The following CALU variants were observed in gnomAD, a reference collection of about 807,000 sequenced individuals.
The protein encoded by CALU is IEF SSP 9302.
A neutral mutation model predicts 37.5 loss-of-function variants in CALU; 13 were observed. The ratio of observed to expected loss-of-function variants is 0.35; its 90% confidence interval spans 0.23 to 0.55. CALU has a LOEUF of 0.55. Ranked by LOEUF, CALU falls within the 20% of genes least tolerant of loss-of-function variation. The probability of loss-of-function intolerance (pLI) is 0.89; values close to 1 mark genes in which losing one functional copy is unlikely to be tolerated. For synonymous variants in CALU, 114 were observed against 133.8 expected (o/e 0.85, Z 1.02); for missense variants, 282 against 391.7 (o/e 0.72, Z 2.36).
In CALU at chr7:128,748,688, T is replaced by A; in HGVS notation, c.105T>A (p.Ser35Arg). 1 of 1,614,148 alleles carries A rather than the reference T, an allele frequency of 6.2e-7. No individual in the cohort carries two copies. The highest frequency in any genetic ancestry group is 8.5e-7 in the Non-Finnish European group (1 of 1,179,994). The stretch of plus-strand genomic sequence containing the variant: ...GTGTACATCATGAGCCTCAGCTCAG[T>A]GACAAGGTTCACAATGATGCTCAGA... ...KDRVHHEPQL[S>R]DKVHNDAQSF... The change falls in exon 2 of 7, where the codon AGT becomes AGA. Residue 35 changes from serine to arginine, a missense_variant. By Grantham distance (110) the Ser-to-Arg change is moderately radical (BLOSUM62 -1). Transcript: ENST00000249364.
intron 1 of CALU, among the ~76,000 whole-genome samples, chr7:128,740,098 T>C (rs1800175581): frequency 6.6e-6 from 1 of 152,234 alleles, no homozygotes; most frequent in Non-Finnish European, 1.5e-5. Context: ...ACGTTTTTTG[T>C]TGCTTCTAGC....
chr7:128,760,164 C>T (rs1432792472), intron 5 of CALU, among the ~76,000 whole-genome samples: 1 of 152,198 alleles, frequency 6.6e-6, no homozygotes, highest in Non-Finnish European at 1.5e-5. Context: ...CGCCATTGCA[C>T]TCCAGCCTGG....
intron 6 of CALU, among the ~76,000 whole-genome samples, chr7:128,768,812 A>C (rs1055896785): frequency 7.0e-6 from 1 of 142,298 alleles, no homozygotes; most frequent in African/African-American, 2.7e-5. Context: ...GCGCCATTGC[A>C]CTCCAGCCTG....
rs1339847949 is a variant in CALU, at chr7:128,769,304, C to T, written c.*137C>T. The T allele has an allele frequency of 1.8e-6, 1 of 555,468 alleles. No individual in the cohort carries two copies. Among genetic ancestry groups the T allele is most frequent in the African/African-American group, 1.9e-5 (1 of 52,824 alleles). The allele number at this position is 555,468 out of a possible 1,614,324, so 34.4% of individuals were successfully genotyped here. On this transcript the variant is annotated 3_prime_UTR_variant, in exon 7 of 7. Coordinates refer to ENST00000249364, the MANE Select transcript of CALU (RefSeq NM_001219.5). ...AAAGGCGTAATGAAAACCATCCCGT[C>T]CCCATTCCTCCTCCTCTCTGAGGGA... is the stretch of plus-strand genomic sequence containing the variant.
Position 128,740,835 on chromosome 7 carries a change from C to T in CALU, c.-12+1403C>T, listed in dbSNP as rs559373241. Among the ~76,000 whole-genome samples, 20 of 152,258 alleles carry T rather than the reference C, an allele frequency of 1.3e-4. 1 individual carries two copies. In the South Asian group the frequency reaches 2.3e-3, roughly 17 times the overall value. The stretch of plus-strand genomic sequence containing the variant: ...TCATCCAGTGATGTGTCAAGAAGTA[C>T]TTATTGATAGCACTTAATATCCATT... On this transcript the variant is annotated intron_variant, in intron 1 of 6. Coordinates refer to ENST00000249364, the MANE Select transcript of CALU (RefSeq NM_001219.5).
chr7:128,742,336 C>T (rs114364884), intron 1 of CALU, among the ~76,000 whole-genome samples: 1 of 152,304 alleles, frequency 6.6e-6, no homozygotes, highest in African/African-American at 2.4e-5. Flanking sequence ...GCTTTTGCTG[C>T]GTTATGGAGA....
chr7:128,754,198 C>T (rs1008160047), intron 2 of CALU, 64 bp from the exon 3 acceptor site: 4 of 1,300,992 alleles, frequency 3.1e-6, no homozygotes, highest in Non-Finnish European at 4.3e-6. Context: ...GGGCACACAC[C>T]TGGCTAAGTC....
At chr7:128,742,278 G>A (rs973186388) in intron 1 of CALU, among the ~76,000 whole-genome samples, 1 of 152,166 alleles carries the variant, frequency 6.6e-6, no homozygotes, top group Non-Finnish European at 1.5e-5. Context: ...CTATCAGTCT[G>A]TTCCCTGTAA....
intron 2 of CALU, among the ~76,000 whole-genome samples, chr7:128,750,947 T>G (rs1463524485): frequency 2.6e-5 from 4 of 152,210 alleles, no homozygotes; most frequent in Admixed American, 2.0e-4. Flanking sequence ...GGCGATTTTA[T>G]GTATCCTTAA....
intron 1 of CALU, among the ~76,000 whole-genome samples, chr7:128,740,089 C>T (rs953741780): frequency 6.6e-6 from 1 of 152,156 alleles, no homozygotes; most frequent in Admixed American, 6.5e-5. Context: ...ATTTTTGTTA[C>T]GTTTTTTGTT....
In CALU at chr7:128,751,379, T is replaced by C. The variant is rs189183746; in HGVS notation, c.221+2575T>C. ...TTTTGGGGATCACAGGCCCAGACCC[T>C]TTGGGAGTCTAATGAAAGCTAAGGA... On this transcript the variant is annotated intron_variant, in intron 2 of 6. Coordinates refer to ENST00000249364, the MANE Select transcript of CALU (RefSeq NM_001219.5). 4.6e-5 allele frequency among the ~76,000 whole-genome samples: 7 copies of C among 151,950 alleles called. No homozygotes were observed. The East Asian group carries it at 1.4e-3, about 29-fold the overall frequency.
At chr7:128,756,631 A>T (rs1425595779) in intron 3 of CALU, among the ~76,000 whole-genome samples, 1 of 150,884 alleles carries the variant, frequency 6.6e-6, no homozygotes, top group Non-Finnish European at 1.5e-5. Flanking sequence ...CCACAAGGAA[A>T]ATATGAAATA....
intron 5 of CALU, 86 bp downstream of exon 5, chr7:128,759,938 C>T: frequency 3.8e-6 from 3 of 789,406 alleles, no homozygotes; most frequent in Non-Finnish European, 6.6e-6. Flanking sequence ...TGGCTCATGC[C>T]TGTAATCCCA....
chr7:128,747,598 A>C (rs1800497832), intron 1 of CALU: 1 of 152,218 alleles, frequency 6.6e-6, no homozygotes, highest in African/African-American at 2.4e-5. Flanking sequence ...GTGATGAAAG[A>C]AAAAATGTAA....
chr7:128,772,779 TG>T lies in CALU; in HGVS notation c.*3614del, dbSNP rs1369694353. 8 of 1,337,776 alleles carry T rather than the reference TG, an allele frequency of 6.0e-6. No homozygotes were observed. Among genetic ancestry groups the T allele is most frequent in the Non-Finnish European group, 8.5e-6 (8 of 942,598 alleles). 82.9% of individuals were successfully genotyped at this position (1,337,776 alleles called of 1,614,324 possible). A position where few individuals can be genotyped will look rare whatever the true frequency, so the allele number is the denominator to read the frequency against. ...GCTTTGTACCCAGAATGCCCTTAGG[TG>T]GTTTTGAATCTATCTTCCCCATCCT... On this transcript the variant is annotated 3_prime_UTR_variant, in exon 7 of 7. Coordinates refer to ENST00000249364, the MANE Select transcript of CALU (RefSeq NM_001219.5).
intron 1 of CALU, among the ~76,000 whole-genome samples, chr7:128,739,974 A>G (rs558944446): frequency 2.4e-4 from 37 of 152,312 alleles, no homozygotes; most frequent in Non-Finnish European, 4.3e-4. Context: ...ACACTAGGTG[A>G]TATCTATGAT....
At chr7:128,748,365 C>A in intron 1 of CALU, 1 of 1,501,878 alleles carries the variant, frequency 6.7e-7, no homozygotes, top group Non-Finnish European at 8.9e-7. Context: ...ATGAAGGAAA[C>A]TGGTAAAAAT....
intron 3 of CALU, among the ~76,000 whole-genome samples, chr7:128,757,295 A>G (rs973011057): frequency 5.9e-5 from 9 of 151,938 alleles, no homozygotes; most frequent in Non-Finnish European, 1.2e-4. Context: ...TAGAAGAGAC[A>G]CTTTAGTATC....
rs746210486 is a variant in CALU, at chr7:128,758,862, G to C, written c.416-9G>C. The stretch of plus-strand genomic sequence containing the variant: ...CTTTTAAGATTTGACCTAAATTTTT[G>C]TTTTCTAGATGATCCAGATCCTGAT... On this transcript the variant is annotated splice_polypyrimidine_tract_variant and intron_variant, in intron 3 of 6. Coordinates refer to ENST00000249364, the MANE Select transcript of CALU (RefSeq NM_001219.5). 1.2e-5 allele frequency: 19 copies of C among 1,591,638 alleles called. No homozygotes were observed. The highest frequency in any genetic ancestry group is 1.8e-5 in the Admixed American group (1 of 55,992).
Sources: allele counts gnomAD v4.1 joint callset (sites outside exome capture counted in the v4.1 genomes callset), GRCh38; gene constraint gnomAD v4.1.1; transcripts MANE v1.5; gene names NCBI Gene and HGNC (gene_info 2026-07-23, HGNC 2026-07-21).